Variants in SNTG1 observed in about 807,000 individuals in gnomAD.
The protein encoded by SNTG1 is gamma-1-syntrophin.
SNTG1 carries 39 observed loss-of-function variants against 74.7 expected under a neutral mutation model. That is an observed-to-expected ratio of 0.52 (90% confidence interval 0.40 to 0.68). The LOEUF (loss-of-function observed/expected upper bound fraction) is 0.68. Among genes scored for constraint, SNTG1 ranks in the 30% least tolerant of loss-of-function variants. The pLI, the probability that SNTG1 is intolerant of heterozygous loss-of-function variation, is 0.00. For missense variants in SNTG1, 685 were observed against 609.5 expected (o/e 1.12, Z -1.30); for synonymous variants, 254 against 217.1 (o/e 1.17, Z -1.49).
chr8:50,038,838 G>A (rs924505770), intron 1 of SNTG1, among the ~76,000 whole-genome samples: 12 of 152,134 alleles, frequency 7.9e-5, no homozygotes, highest in African/African-American at 2.9e-4. Flanking sequence ...TGGACTCTTG[G>A]TTTGGCTCAC....
chr8:50,461,688 C>A (rs2093564108), intron 8 of SNTG1, among the ~76,000 whole-genome samples: 1 of 151,746 alleles, frequency 6.6e-6, no homozygotes, highest in Non-Finnish European at 1.5e-5. Flanking sequence ...TTTAAATACT[C>A]TAATATAGTA....
At chr8:50,044,777 C>T (rs546469151) in intron 1 of SNTG1, among the ~76,000 whole-genome samples, 1 of 152,244 alleles carries the variant, frequency 6.6e-6, no homozygotes, top group East Asian at 1.9e-4. Flanking sequence ...TCATATTTGC[C>T]ATTGAAAACT....
At chr8:50,765,882 C>T (rs906825627) in intron 18 of SNTG1, among the ~76,000 whole-genome samples, 2 of 151,940 alleles carry the variant, frequency 1.3e-5, no homozygotes, top group Non-Finnish European at 1.5e-5. Context: ...GCCTAGATTT[C>T]ACCTTATTTT....
chr8:50,590,961 T>C, intron 13 of SNTG1, 44 bp downstream of exon 13: 1 of 1,363,806 alleles, frequency 7.3e-7, no homozygotes, highest in Middle Eastern at 2.0e-4. Context: ...TATATTTCTT[T>C]AATTTTATTG....
At chr8:49,973,468 C>T (rs193096865) in intron 1 of SNTG1, among the ~76,000 whole-genome samples, 1,734 of 151,240 alleles carry the variant, frequency 0.011, 33 homozygotes, top group African/African-American at 0.04. Flanking sequence ...ACATATGTAA[C>T]TAACCTGCAC....
At chr8:50,334,293 C>A (rs944094013) in intron 2 of SNTG1, among the ~76,000 whole-genome samples, 3 of 152,148 alleles carry the variant, frequency 2.0e-5, no homozygotes, top group African/African-American at 7.2e-5. Context: ...TCTATGTATA[C>A]CATGCTGGAC....
chr8:50,091,874 T>C (rs983510767), intron 1 of SNTG1, among the ~76,000 whole-genome samples: 2 of 152,120 alleles, frequency 1.3e-5, no homozygotes, highest in Middle Eastern at 3.2e-3. Flanking sequence ...ATAATTTTAA[T>C]TAAAATGTCA....
chr8:50,467,512 T>C (rs949751627), intron 8 of SNTG1, among the ~76,000 whole-genome samples: 2 of 151,900 alleles, frequency 1.3e-5, no homozygotes, highest in African/African-American at 4.8e-5. Context: ...CACTGGTAAT[T>C]TGTATCTTTC....
At position 50,484,047 on chromosome 8, in the gene SNTG1, A is replaced by T. The variant is rs1045847974; in HGVS notation, c.364-18731A>T. ...TGTATATATGTATGAGGCTTTAAGT[A>T]AACATTCTGGATTTTCTTTCTTTCT... is the stretch of plus-strand genomic sequence containing the variant. On this transcript the variant is annotated intron_variant, in intron 8 of 18. Coordinates refer to ENST00000642720, the MANE Select transcript of SNTG1 (RefSeq NM_018967.5). 2.6e-5 allele frequency among the ~76,000 whole-genome samples: 4 copies of T among 152,008 alleles called. No individual in the cohort carries two copies. The South Asian group carries it at 8.3e-4, about 32-fold the overall frequency.
At chr8:50,069,294 T>C (rs904493997) in intron 1 of SNTG1, among the ~76,000 whole-genome samples, 1 of 152,148 alleles carries the variant, frequency 6.6e-6, no homozygotes, top group Non-Finnish European at 1.5e-5. Context: ...TGGTGGCCAG[T>C]TTAGGAGTAT....
At chr8:50,060,672 A>G (rs1820394223) in intron 1 of SNTG1, among the ~76,000 whole-genome samples, 1 of 151,958 alleles carries the variant, frequency 6.6e-6, no homozygotes, top group Non-Finnish European at 1.5e-5. Context: ...TAGGCCTTTC[A>G]CTTGTTAAAA....
chr8:50,465,736 C>A (rs533379543), intron 8 of SNTG1, among the ~76,000 whole-genome samples: 1 of 152,172 alleles, frequency 6.6e-6, no homozygotes, highest in African/African-American at 2.4e-5. Flanking sequence ...TTTCACTTAG[C>A]AAGGTGCATT....
chr8:50,263,682 AG>A (rs1297010040), intron 2 of SNTG1, among the ~76,000 whole-genome samples: 7 of 152,222 alleles, frequency 4.6e-5, no homozygotes, highest in East Asian at 3.8e-4. Flanking sequence ...TAAAAATTAT[AG>A]GCATCTTACA....
At chr8:50,669,170 C>T (rs989758770) in intron 15 of SNTG1, among the ~76,000 whole-genome samples, 7 of 150,768 alleles carry the variant, frequency 4.6e-5, no homozygotes, top group Non-Finnish European at 1.0e-4. Flanking sequence ...TAGCAGAAGG[C>T]AAGAAATAAC....
intron 17 of SNTG1, among the ~76,000 whole-genome samples, chr8:50,710,084 C>G (rs570152684): frequency 1.3e-5 from 2 of 152,280 alleles, no homozygotes; most frequent in African/African-American, 4.8e-5. Context: ...TGTGTTCATT[C>G]ACCTTGTGAA....
At chr8:50,622,551 G>A (rs945206750) in intron 13 of SNTG1, among the ~76,000 whole-genome samples, 1 of 151,980 alleles carries the variant, frequency 6.6e-6, no homozygotes, top group Non-Finnish European at 1.5e-5. Context: ...TAAACTATAA[G>A]TTCTCTTTAT....
rs116061392 is a variant in SNTG1, at chr8:50,444,351, G to A, written c.220-5317G>A. 3.0e-3 allele frequency among the ~76,000 whole-genome samples: 454 copies of A among 152,196 alleles called. 1 individual carries two copies. Among genetic ancestry groups the A allele is most frequent in the African/African-American group, 0.01 (433 of 41,530 alleles). ...CAACCATTGCTATAAGTGCATGGAC[G>A]TGCTTGCATACATTTTTCTGCATTC... On this transcript the variant is annotated intron_variant, in intron 5 of 18. Transcript: ENST00000642720.
At chr8:49,941,407 C>T (rs1362787208) in intron 1 of SNTG1, among the ~76,000 whole-genome samples, 1 of 150,570 alleles carries the variant, frequency 6.6e-6, no homozygotes, top group Non-Finnish European at 1.5e-5. Flanking sequence ...TCACTTTCTT[C>T]TGACTTTTCC....
At chr8:49,961,089 G>A (rs769564259) in intron 1 of SNTG1, among the ~76,000 whole-genome samples, 6 of 152,116 alleles carry the variant, frequency 3.9e-5, no homozygotes, top group Admixed American at 6.5e-5. Flanking sequence ...ATGGACAGTT[G>A]TCAGTGGATC....
Sources: allele counts gnomAD v4.1 joint callset (sites outside exome capture counted in the v4.1 genomes callset), GRCh38; gene constraint gnomAD v4.1.1; transcripts MANE v1.5; gene names NCBI Gene and HGNC (gene_info 2026-07-23, HGNC 2026-07-21).